Variants in SAFB observed in about 807,000 individuals in gnomAD.
SAFB encodes the protein scaffold attachment factor B, also known as scaffold attachment factor B1.
In SAFB, 15 loss-of-function variants were observed where a neutral mutation model predicts 101.6. That is an observed-to-expected ratio of 0.15 (90% CI 0.10 to 0.23). The LOEUF (loss-of-function observed/expected upper bound fraction) is 0.23. SAFB is among the 10% of genes least tolerant of loss of function. The pLI is 1.00. For missense variants in SAFB, 930 were observed against 1,104.1 expected (o/e 0.84, Z 2.23); for synonymous variants, 449 against 407.5 (o/e 1.10, Z -1.23).
chr19:5,658,886 C>A (rs1354328213), intron 14 of SAFB, among the ~76,000 whole-genome samples: 1 of 149,510 alleles, frequency 6.7e-6, no homozygotes, highest in Non-Finnish European at 1.5e-5. Flanking sequence ...GTGGCTCACG[C>A]CTGTAATCCC....
intron 14 of SAFB, among the ~76,000 whole-genome samples, chr19:5,659,410 C>T (rs2054143273): frequency 6.6e-6 from 1 of 151,306 alleles, no homozygotes; most frequent in Non-Finnish European, 1.5e-5. Context: ...GAGACGGAAT[C>T]TTGCTCTGTC....
intron 2 of SAFB, among the ~76,000 whole-genome samples, chr19:5,631,322 C>A (rs2053485903): frequency 6.6e-6 from 1 of 152,234 alleles, no homozygotes; most frequent in Non-Finnish European, 1.5e-5. Context: ...TTTACCCATT[C>A]TAGAACTTCA....
intron 2 of SAFB, 142 bp from the exon 3 acceptor site, chr19:5,641,452 C>T (rs781286560): frequency 1.9e-5 from 13 of 686,284 alleles, no homozygotes; most frequent in African/African-American, 1.8e-5. Flanking sequence ...GGAATGGCCT[C>T]ATTCCTGGAT....
rs199580200 is a variant in SAFB, at chr19:5,623,331, G to A, written c.126G>A (p.Glu42=). 2.2e-5 allele frequency: 35 copies of A among 1,614,082 alleles called. No individual in the cohort carries two copies. The Admixed American group carries it at 3.7e-4, about 17-fold the overall frequency. The change falls in exon 1 of 21, where the codon GAG becomes GAA. Residue 42 remains glutamate, a synonymous_variant. Transcript: ENST00000588852. ...TGCGAGTGATCGATCTGCGGGCGGAGCTGAGGAAACGGAATGTGGACTCGA... is the reference window on the plus strand; with the variant it reads ...TGCGAGTGATCGATCTGCGGGCGGAACTGAGGAAACGGAATGTGGACTCGA... ...SDLRVIDLRA[E]LRKRNVDSSG...
intron 7 of SAFB, 138 bp from the exon 8 acceptor site, chr19:5,649,788 C>T: frequency 1.2e-6 from 1 of 856,270 alleles, no homozygotes; most frequent in Non-Finnish European, 1.9e-6. Flanking sequence ...GTCAGATTTT[C>T]AATACAAGTT....
At chr19:5,640,519 T>C (rs564021059) in intron 2 of SAFB, among the ~76,000 whole-genome samples, 4 of 151,948 alleles carry the variant, frequency 2.6e-5, no homozygotes, top group South Asian at 4.2e-4. Flanking sequence ...GTGCACGAGA[T>C]TGGCACTTTT....
At chr19:5,623,491 T>A in intron 1 of SAFB, 97 bp downstream of exon 1, 2 of 1,069,470 alleles carry the variant, frequency 1.9e-6, no homozygotes, top group Non-Finnish European at 2.6e-6. Flanking sequence ...CCCGGCCGCG[T>A]TCGCGGCCTC....
chr19:5,627,082 G>A (rs2053381434), intron 2 of SAFB, among the ~76,000 whole-genome samples: 1 of 151,992 alleles, frequency 6.6e-6, no homozygotes, highest in South Asian at 2.1e-4. Flanking sequence ...AGTTTTAGGA[G>A]GGGGATCACT....
At chr19:5,638,604 T>G (rs1043551669) in intron 2 of SAFB, among the ~76,000 whole-genome samples, 2 of 151,762 alleles carry the variant, frequency 1.3e-5, no homozygotes, top group Admixed American at 1.3e-4. Flanking sequence ...ATTACAGGTG[T>G]GAGCCACCAC....
At chr19:5,654,002 A>G (rs2053998585) in intron 11 of SAFB, 59 bp from the exon 12 acceptor site, 2 of 1,558,456 alleles carry the variant, frequency 1.3e-6, no homozygotes, top group Non-Finnish European at 8.8e-7. Context: ...CATCCCCCCA[A>G]AGTGCTGGGA....
At chr19:5,651,842 A>G (rs749937708) in intron 9 of SAFB, among the ~76,000 whole-genome samples, 28 of 152,210 alleles carry the variant, frequency 1.8e-4, no homozygotes, top group Admixed American at 3.9e-4. Context: ...TGAGGGTTCA[A>G]CACATTGCAA....
chr19:5,652,000 C>T (rs1393461656), intron 9 of SAFB, among the ~76,000 whole-genome samples: 2 of 152,114 alleles, frequency 1.3e-5, no homozygotes, highest in African/African-American at 4.8e-5. Context: ...TTGAGACCAG[C>T]TTGGCCAGTA....
chr19:5,653,025 A>C, intron 9 of SAFB, 90 bp from the exon 10 acceptor site: 1 of 1,345,408 alleles, frequency 7.4e-7, no homozygotes, highest in South Asian at 1.3e-5. Context: ...CGGACCCCTG[A>C]TGAGCAGACT....
chr19:5,663,911 T>C, intron 15 of SAFB, 111 bp from the exon 16 acceptor site: 1 of 1,218,888 alleles, frequency 8.2e-7, no homozygotes, highest in Non-Finnish European at 1.2e-6. Context: ...GAGAACACTC[T>C]TGGTGAAAGT....
intron 9 of SAFB, among the ~76,000 whole-genome samples, chr19:5,651,898 A>G (rs575835307): frequency 6.6e-6 from 1 of 152,242 alleles, no homozygotes; most frequent in Non-Finnish European, 1.5e-5. Context: ...CGAAGAACTT[A>G]AAAGAGGATA....
chr19:5,653,501 C>A, intron 11 of SAFB, 81 bp downstream of exon 11: 1 of 1,266,736 alleles, frequency 7.9e-7, no homozygotes, highest in African/African-American at 1.5e-5. Context: ...GAGTCGCGCT[C>A]TGTCGCCCAG....
At chr19:5,639,022 T>C (rs2152759) in intron 2 of SAFB, among the ~76,000 whole-genome samples, 105,164 of 152,152 alleles carry the variant, frequency 0.69, 36,691 homozygotes, top group East Asian at 0.89. Flanking sequence ...CCACCACGCC[T>C]GGCAAGTATT....
chr19:5,624,739 A>G (rs2053315230), intron 1 of SAFB, among the ~76,000 whole-genome samples: 1 of 143,820 alleles, frequency 7.0e-6, no homozygotes. Flanking sequence ...AAGGGTGGAT[A>G]GTTGTCTCGG....
intron 14 of SAFB, 59 bp downstream of exon 14, chr19:5,657,406 T>C: frequency 8.4e-7 from 1 of 1,189,570 alleles, no homozygotes; most frequent in Non-Finnish European, 1.2e-6. Flanking sequence ...ATGACTGTCT[T>C]CTGGAAGGAT....
Sources: gnomAD v4.1 joint callset for allele counts (sites outside exome capture counted in the v4.1 genomes callset) on GRCh38, gnomAD v4.1.1 for gene constraint, MANE v1.5 for transcripts, NCBI Gene and HGNC (gene_info 2026-07-23, HGNC 2026-07-21) for gene names.